Variants in LMBRD2 observed in about 807,000 individuals in gnomAD.
LMBRD2 encodes the protein G protein-coupled receptor-associated protein LMBRD2.
In LMBRD2, 55 loss-of-function variants were observed where a neutral mutation model predicts 94.4. That is an observed-to-expected ratio of 0.58 (90% CI 0.47 to 0.73). LMBRD2 has a LOEUF of 0.73. LMBRD2 is among the 30% of genes least tolerant of loss of function. The pLI is 0.00. For missense variants in LMBRD2, 640 were observed against 831.9 expected (o/e 0.77, Z 2.84); for synonymous variants, 246 against 272.4 (o/e 0.90, Z 0.95).
chr5:36,128,866 C>T (rs534113566), intron 6 of LMBRD2, among the ~76,000 whole-genome samples: 84 of 152,268 alleles, frequency 5.5e-4, no homozygotes, highest in Middle Eastern at 6.8e-3. Context: ...AGAAGGAATT[C>T]AGAATCATAT....
intron 6 of LMBRD2, 51 bp downstream of exon 6, chr5:36,136,258 G>A (rs765283761): frequency 6.5e-7 from 1 of 1,538,366 alleles, no homozygotes; most frequent in Non-Finnish European, 9.0e-7. Flanking sequence ...TGACTAAAAG[G>A]GGATACATAT....
chr5:36,117,396 A>G (rs762657703), intron 10 of LMBRD2, among the ~76,000 whole-genome samples: 2 of 151,892 alleles, frequency 1.3e-5, no homozygotes, highest in Admixed American at 6.6e-5. Context: ...AGGTGAGAGG[A>G]TTTCTTGAGC....
intron 15 of LMBRD2, 101 bp downstream of exon 15, chr5:36,109,844 G>GT (rs1008387981): frequency 6.3e-5 from 54 of 852,882 alleles, no homozygotes; most frequent in Middle Eastern, 3.4e-4. Flanking sequence ...TTTTTCCACT[G>GT]TTTTTTTCTG....
At chr5:36,104,166 A>AAACAAGAAT in intron 17 of LMBRD2, 60 bp from the exon 18 acceptor site, 1 of 1,314,550 alleles carries the variant, frequency 7.6e-7, no homozygotes, top group South Asian at 1.2e-5. Context: ...GAAGAGAGGA[A>AAACAAGAAT]AACAAGAATA....
intron 7 of LMBRD2, among the ~76,000 whole-genome samples, chr5:36,123,643 C>G (rs1743938503): frequency 6.6e-6 from 1 of 150,962 alleles, no homozygotes; most frequent in Non-Finnish European, 1.5e-5. Context: ...ATATGAATAC[C>G]CCTAATTCAA....
Position 36,098,755 on chromosome 5 carries a change from T to C in LMBRD2, c.*5291A>G, listed in dbSNP as rs1471318202. The C allele has an allele frequency of 6.6e-6, 1 of 152,106 alleles. No homozygotes were observed. Among genetic ancestry groups the C allele is most frequent in the African/African-American group, 2.4e-5 (1 of 41,446 alleles). The allele number at this position is 152,106 out of a possible 1,614,324, so 9.4% of individuals were successfully genotyped here. A position where few individuals can be genotyped will look rare whatever the true frequency, so the allele number is the denominator to read the frequency against. ...GATAAGGCCAAAGTTACTAATTTGC[T>C]TATAGGTAGCACTTTGCAGCTTTTT... On this transcript the variant is annotated 3_prime_UTR_variant, in exon 18 of 18. Coordinates refer to ENST00000296603, the MANE Select transcript of LMBRD2 (RefSeq NM_001007527.2).
rs770768970 is a variant in LMBRD2 at position 36,105,190 on chromosome 5, G to C, written c.1905C>G (p.Phe635Leu). The C allele has an allele frequency of 6.2e-7, 1 of 1,611,660 alleles. No homozygotes were observed. The highest frequency in any genetic ancestry group is 1.3e-5 in the African/African-American group (1 of 74,782). ...FSDVNTNRSA[F>L]KYTRANNRTE... ...TCCTGTTATTAGCCCTGGTATATTT[G>C]AATGCAGCTGCAAAGGAAGGGGGAA... The change falls in exon 17 of 18, where the codon TTC becomes TTG. Residue 635 changes from phenylalanine to leucine, a missense_variant. Around this residue, in one of 2 missense-constraint regions of LMBRD2, gnomAD observed 183 missense variants for 189.1 expected, o/e 0.97. Transcript: ENST00000296603.
intron 6 of LMBRD2, among the ~76,000 whole-genome samples, chr5:36,130,661 C>A (rs1020295836): frequency 2.0e-5 from 3 of 152,082 alleles, no homozygotes; most frequent in African/African-American, 7.2e-5. Flanking sequence ...AAAGACATTA[C>A]AACTGATACT....
chr5:36,125,229 T>A (rs918648665), intron 6 of LMBRD2, among the ~76,000 whole-genome samples: 1 of 152,172 alleles, frequency 6.6e-6, no homozygotes, highest in Non-Finnish European at 1.5e-5. Flanking sequence ...TTTAAGAAGT[T>A]GAAACCACTG....
chr5:36,142,716 CTTTT>C, intron 2 of LMBRD2, 117 bp from the exon 3 acceptor site: 29 of 393,270 alleles, frequency 7.4e-5, no homozygotes, highest in East Asian at 9.6e-5. Context: ...ATGCTTTATT[CTTTT>C]TTTTTTTTTT....
chr5:36,110,047 T>A, intron 14 of LMBRD2, 56 bp from the exon 15 acceptor site: 1 of 1,309,180 alleles, frequency 7.6e-7, no homozygotes. Context: ...TCAGACATAG[T>A]GCAACTGAAG....
At chr5:36,123,607 A>G (rs536875019) in intron 7 of LMBRD2, among the ~76,000 whole-genome samples, 3 of 151,860 alleles carry the variant, frequency 2.0e-5, no homozygotes, top group Non-Finnish European at 4.4e-5. Context: ...ACAATTGGGG[A>G]ACTGCAAATA....
In LMBRD2 at chr5:36,146,540, T is replaced by TA. The variant is rs201119179; in HGVS notation, c.-57-3135dup. On this transcript the variant is annotated intron_variant, in intron 1 of 17. Transcript: ENST00000296603. ...GCACACCACCACGCCTGGCTAATTTTAAAAAAAAATTTTTTTTGTAGAGAC... is the reference window on the plus strand; with the variant it reads ...GCACACCACCACGCCTGGCTAATTTTAAAAAAAAAATTTTTTTTGTAGAGAC... 1.2e-3 allele frequency among the ~76,000 whole-genome samples: 176 copies of TA among 152,144 alleles called. 1 individual carries two copies. The highest frequency in any genetic ancestry group is 3.8e-3 in the African/African-American group (156 of 41,478).
intron 1 of LMBRD2, among the ~76,000 whole-genome samples, chr5:36,148,344 CCT>C (rs1744603068): frequency 6.6e-6 from 1 of 151,958 alleles, no homozygotes; most frequent in South Asian, 2.1e-4. Context: ...GTGACAAGCC[CCT>C]GAGGACAGTG....
At chr5:36,136,714 A>G (rs1297863241) in intron 5 of LMBRD2, among the ~76,000 whole-genome samples, 195 bp from the exon 6 acceptor site, 1 of 152,180 alleles carries the variant, frequency 6.6e-6, no homozygotes, top group Non-Finnish European at 1.5e-5. Context: ...ATTCTATATT[A>G]AACAAAAGAA....
chr5:36,112,636 A>G (rs1011245604), intron 13 of LMBRD2, among the ~76,000 whole-genome samples: 1 of 152,246 alleles, frequency 6.6e-6, no homozygotes, highest in African/African-American at 2.4e-5. Context: ...GTTTATCCTG[A>G]TTAACTCTAG....
At position 36,151,224 on chromosome 5, in the gene LMBRD2, G is replaced by A. The variant is rs1744699503; in HGVS notation, c.-58+332C>T. Among the ~76,000 whole-genome samples the A allele has an allele frequency of 1.3e-5, 2 of 152,226 alleles. No individual in the cohort carries two copies. The highest frequency in any genetic ancestry group is 6.5e-5 in the Admixed American group (1 of 15,286). On this transcript the variant is annotated intron_variant, in intron 1 of 17. Coordinates refer to ENST00000296603, the MANE Select transcript of LMBRD2 (RefSeq NM_001007527.2). The surrounding 1 kb of genome is among the most constrained non-coding windows in gnomAD (Gnocchi z 4.7). The stretch of plus-strand genomic sequence containing the variant: ...CGACAGCAAGCAACCAAATGGCTTT[G>A]CTGGAGGCCCCCTGCGTGCACGGGT...
intron 9 of LMBRD2, among the ~76,000 whole-genome samples, chr5:36,120,774 G>C (rs771652118): frequency 3.9e-5 from 6 of 151,972 alleles, no homozygotes; most frequent in African/African-American, 7.3e-5. Context: ...AAAATCCAAT[G>C]GTCAGGTCTT....
intron 6 of LMBRD2, among the ~76,000 whole-genome samples, chr5:36,127,934 G>A (rs1015945546): frequency 2.6e-5 from 4 of 152,182 alleles, no homozygotes; most frequent in Admixed American, 6.5e-5. Flanking sequence ...AGTGGTTACC[G>A]TGGGCCTTGG....
Sources: allele counts gnomAD v4.1 joint callset (sites outside exome capture counted in the v4.1 genomes callset), GRCh38; gene constraint gnomAD v4.1.1; regional missense constraint gnomAD v4.1.1; non-coding constraint Gnocchi (gnomAD v3.1); transcripts MANE v1.5; gene names NCBI Gene and HGNC (gene_info 2026-07-23, HGNC 2026-07-21).